ATP8B1: variants seen among roughly 807,000 people sequenced by gnomAD.
ATP8B1 encodes the protein phospholipid-transporting ATPase IC.
A neutral mutation model predicts 149.9 loss-of-function variants in ATP8B1; 80 were observed. That is an observed-to-expected ratio of 0.53 (90% CI 0.45 to 0.64). The LOEUF (loss-of-function observed/expected upper bound fraction) is 0.64, where lower values mean the gene tolerates loss of function less well. ATP8B1 is among the 30% of genes least tolerant of loss of function. The pLI, the probability that ATP8B1 is intolerant of heterozygous loss-of-function variation, is 0.00. For synonymous variants in ATP8B1, 536 were observed against 562.8 expected, an observed-to-expected ratio of 0.95 and a Z score of 0.67; for missense variants, 1,247 against 1,552.6, an observed-to-expected ratio of 0.80 and a Z score of 3.31.
At chr18:57,670,355 C>CTT (rs370444079) in intron 17 of ATP8B1, among the ~76,000 whole-genome samples, 87 of 139,708 alleles carry the variant, frequency 6.2e-4, no homozygotes, top group Middle Eastern at 3.7e-3. Flanking sequence ...TTTTCTTTTT[C>CTT]TTTTTTTTTT....
At chr18:57,777,682 C>T (rs2080317323) in intron 1 of ATP8B1, among the ~76,000 whole-genome samples, 1 of 152,198 alleles carries the variant, frequency 6.6e-6, no homozygotes, top group Admixed American at 6.5e-5. Flanking sequence ...GATCCTCCCA[C>T]CTCGGCTTCT....
intron 26 of ATP8B1, among the ~76,000 whole-genome samples, chr18:57,651,263 G>A (rs1244164482): frequency 6.6e-6 from 1 of 151,996 alleles, no homozygotes; most frequent in Non-Finnish European, 1.5e-5. Context: ...GCGCCACCAC[G>A]CTTGGCTAAT....
chr18:57,720,656 AGTTGG>A (rs1171361587), intron 2 of ATP8B1, among the ~76,000 whole-genome samples: 1 of 110,016 alleles, frequency 9.1e-6, no homozygotes, highest in African/African-American at 3.5e-5. Context: ...AATGGAACCA[AGTTGG>A]AAAACACTCT....
intron 1 of ATP8B1, among the ~76,000 whole-genome samples, chr18:57,748,159 G>A (rs985046048): frequency 7.9e-5 from 12 of 152,156 alleles, no homozygotes; most frequent in Non-Finnish European, 1.8e-4. Context: ...TGATGGTGGC[G>A]TGCGTTTACA....
intron 11 of ATP8B1, among the ~76,000 whole-genome samples, 189 bp downstream of exon 11, chr18:57,694,392 CA>C (rs2122886836): frequency 6.6e-6 from 1 of 152,064 alleles, no homozygotes; most frequent in African/African-American, 2.4e-5. Context: ...AAAAGTGTGG[CA>C]TTTCTGAGAA....
chr18:57,683,997 C>G, intron 15 of ATP8B1, 39 bp downstream of exon 15: 4 of 1,613,790 alleles, frequency 2.5e-6, no homozygotes, highest in African/African-American at 2.7e-5. Flanking sequence ...AAACAAAAAA[C>G]CTGGTCTCTA....
intron 1 of ATP8B1, among the ~76,000 whole-genome samples, chr18:57,761,312 T>G (rs1050995784): frequency 6.6e-6 from 1 of 152,110 alleles, no homozygotes; most frequent in East Asian, 1.9e-4. Flanking sequence ...TGCAGTGGCC[T>G]CTCTGAAGAT....
intron 2 of ATP8B1, among the ~76,000 whole-genome samples, chr18:57,719,339 T>C (rs2079614400): frequency 6.6e-6 from 1 of 152,158 alleles, no homozygotes; most frequent in African/African-American, 2.4e-5. Context: ...TCCATTTCCA[T>C]CTGAGGTACC....
intron 2 of ATP8B1, among the ~76,000 whole-genome samples, chr18:57,728,320 G>A (rs1463705342): frequency 6.6e-6 from 1 of 152,134 alleles, no homozygotes; most frequent in East Asian, 1.9e-4. Context: ...TTCTCTGAAG[G>A]AAATTATTCA....
intron 2 of ATP8B1, among the ~76,000 whole-genome samples, chr18:57,726,143 G>A (rs1021199889): frequency 6.6e-6 from 1 of 152,168 alleles, no homozygotes; most frequent in Non-Finnish European, 1.5e-5. Context: ...CAAGGGAATT[G>A]CTTGAACTCA....
chr18:57,700,445 A>G (rs747359288), intron 6 of ATP8B1, among the ~76,000 whole-genome samples: 7 of 152,214 alleles, frequency 4.6e-5, no homozygotes, highest in Non-Finnish European at 1.0e-4. Context: ...CACTGGGTAT[A>G]TCATTTGTAT....
chr18:57,766,708 C>T (rs1055051405), intron 1 of ATP8B1, among the ~76,000 whole-genome samples: 18 of 152,120 alleles, frequency 1.2e-4, no homozygotes, highest in African/African-American at 3.4e-4. Context: ...CCAGTGCTGC[C>T]GGTACAGGGA....
At chr18:57,749,278 A>G (rs986287418) in intron 1 of ATP8B1, among the ~76,000 whole-genome samples, 1 of 152,162 alleles carries the variant, frequency 6.6e-6, no homozygotes, top group Non-Finnish European at 1.5e-5. Flanking sequence ...AAAGGCAAGT[A>G]GTACAGAGAA....
At chr18:57,799,945 T>G (rs928184446) in intron 1 of ATP8B1, among the ~76,000 whole-genome samples, 30 of 152,028 alleles carry the variant, frequency 2.0e-4, no homozygotes, top group African/African-American at 6.8e-4. Flanking sequence ...AAATATAACC[T>G]GTCTTCTTTT....
At chr18:57,706,974 A>C (rs1913428462) in intron 2 of ATP8B1, among the ~76,000 whole-genome samples, 1 of 152,216 alleles carries the variant, frequency 6.6e-6, no homozygotes, top group African/African-American at 2.4e-5. Flanking sequence ...TGCTGCTGCT[A>C]TGAAAGCTGG....
chr18:57,708,885 A>G (rs1436474138), intron 2 of ATP8B1, among the ~76,000 whole-genome samples: 1 of 152,042 alleles, frequency 6.6e-6, no homozygotes, highest in South Asian at 2.1e-4. Context: ...ATCCCTGGCC[A>G]ATTTTGATTT....
At chr18:57,737,462 T>G (rs2079868961) in intron 1 of ATP8B1, among the ~76,000 whole-genome samples, 1 of 151,760 alleles carries the variant, frequency 6.6e-6, no homozygotes, top group Non-Finnish European at 1.5e-5. Flanking sequence ...CTCACTACAC[T>G]CTCAAATCTG....
chr18:57,684,813 G>C (rs1912151534), intron 14 of ATP8B1, among the ~76,000 whole-genome samples: 1 of 152,184 alleles, frequency 6.6e-6, no homozygotes, highest in Non-Finnish European at 1.5e-5. Context: ...CTAATCCAAT[G>C]ATTGGTATCC....
chr18:57,652,743 C>T lies in ATP8B1; in HGVS notation c.3016-14G>A. The T allele has an allele frequency of 6.2e-7, 1 of 1,614,010 alleles. No homozygotes were observed. ...GTCACTCACATCCTTAAGGAGAAAA[C>T]AAAATGATGGTATTTTATTCATCAG... On this transcript the variant is annotated splice_polypyrimidine_tract_variant and intron_variant, in intron 24 of 27. Transcript: ENST00000648908.
Sources: gnomAD v4.1 joint callset for allele counts (sites outside exome capture counted in the v4.1 genomes callset) on GRCh38, gnomAD v4.1.1 for gene constraint, MANE v1.5 for transcripts, NCBI Gene and HGNC (gene_info 2026-07-23, HGNC 2026-07-21) for gene names.